PTPRD: variants seen among roughly 807,000 people sequenced by gnomAD.
PTPRD encodes the protein receptor-type tyrosine-protein phosphatase delta.
A neutral mutation model predicts 214.5 loss-of-function variants in PTPRD; 34 were observed. The observed-to-expected ratio is 0.16, with a 90% CI of 0.12 to 0.21. The LOEUF is 0.21. Ranked by LOEUF, PTPRD falls within the 10% of genes least tolerant of loss-of-function variation. PTPRD has a pLI of 1.00. For missense variants in PTPRD, 2,545 were observed against 2,398.7 expected (o/e 1.06, Z -1.27); for synonymous variants, 1,128 against 845.7 (o/e 1.33, Z -5.79).
intron 3 of PTPRD, among the ~76,000 whole-genome samples, chr9:10,049,043 G>A (rs564951207): frequency 1.3e-5 from 2 of 152,102 alleles, no homozygotes; most frequent in East Asian, 1.9e-4. Context: ...GATGAGGTTT[G>A]AGAAAAAAGA....
chr9:8,599,681 C>T (rs4578003), intron 14 of PTPRD, among the ~76,000 whole-genome samples: 13,551 of 135,614 alleles, frequency 0.1, 769 homozygotes, highest in East Asian at 0.29. Flanking sequence ...TGGAGTGCAA[C>T]GGCGCGATCA....
At chr9:9,353,659 G>A (rs1005214184) in intron 9 of PTPRD, among the ~76,000 whole-genome samples, 2 of 151,194 alleles carry the variant, frequency 1.3e-5, no homozygotes, top group African/African-American at 4.9e-5. Flanking sequence ...AAGTTTTCTA[G>A]GTTGAGTTAA....
intron 9 of PTPRD, among the ~76,000 whole-genome samples, chr9:9,349,250 A>C (rs1023060682): frequency 1.8e-4 from 28 of 152,102 alleles, no homozygotes; most frequent in African/African-American, 6.5e-4. Flanking sequence ...AATGGCAAGA[A>C]ACTTTTTAGC....
At chr9:8,939,003 T>C (rs2099014907) in intron 11 of PTPRD, among the ~76,000 whole-genome samples, 1 of 152,178 alleles carries the variant, frequency 6.6e-6, no homozygotes, top group Non-Finnish European at 1.5e-5. Flanking sequence ...ATTACTGAAG[T>C]ATGTTAATGT....
chr9:9,419,805 T>C (rs2078127584), intron 8 of PTPRD, among the ~76,000 whole-genome samples: 1 of 151,768 alleles, frequency 6.6e-6, no homozygotes, highest in East Asian at 1.9e-4. Context: ...AATGTAATTA[T>C]TAGACTTTTG....
At chr9:8,521,618 G>T in intron 19 of PTPRD, 72 bp from the exon 20 acceptor site, 3 of 1,501,354 alleles carry the variant, frequency 2.0e-6, no homozygotes, top group Admixed American at 3.6e-5. Flanking sequence ...CACATGACAT[G>T]CACCGTACAG....
In PTPRD at chr9:8,859,492, A is replaced by T. The variant is rs117384092; in HGVS notation, c.-103-125546T>A. Among the ~76,000 whole-genome samples the T allele has an allele frequency of 9.4e-3, 1,435 of 152,336 alleles. 48 individuals are homozygous for T. Among genetic ancestry groups the T allele is most frequent in the East Asian group, 0.09 (465 of 5,178 alleles). ...TGGTCAGAAAGGTTAAATAAAGTAA[A>T]GCTAGAGCTCACCAGCCACCTCCAT... On this transcript the variant is annotated intron_variant, in intron 11 of 45. Coordinates refer to ENST00000381196, the MANE Select transcript of PTPRD (RefSeq NM_002839.4).
chr9:9,785,937 A>G (rs1191463290), intron 5 of PTPRD, among the ~76,000 whole-genome samples: 3 of 152,170 alleles, frequency 2.0e-5, no homozygotes, highest in Non-Finnish European at 4.4e-5. Flanking sequence ...TGAAGGCAAC[A>G]TGCTCCAACA....
At chr9:8,529,862 A>T (rs2075233446) in intron 14 of PTPRD, among the ~76,000 whole-genome samples, 1 of 152,190 alleles carries the variant, frequency 6.6e-6, no homozygotes, top group African/African-American at 2.4e-5. Flanking sequence ...ACATATGTAC[A>T]CATGTGCCAT....
intron 7 of PTPRD, among the ~76,000 whole-genome samples, chr9:9,712,384 A>T (rs2097754057): frequency 6.6e-6 from 1 of 151,500 alleles, no homozygotes; most frequent in African/African-American, 2.4e-5. Context: ...ATAAACTTTG[A>T]TTGTAATTTA....
intron 9 of PTPRD, among the ~76,000 whole-genome samples, chr9:9,288,800 T>C (rs1169432871): frequency 6.6e-6 from 1 of 151,874 alleles, no homozygotes; most frequent in East Asian, 2.0e-4. Flanking sequence ...AATTTAATCA[T>C]GGGGGCAGTT....
Position 8,733,862 on chromosome 9 carries a change from CG to C in PTPRD, c.-20del, listed in dbSNP as rs1555233249. 9.0e-6 allele frequency: 14 copies of C among 1,549,628 alleles called. No individual in the cohort carries two copies. Among genetic ancestry groups the C allele is most frequent in the Non-Finnish European group, 1.1e-5 (13 of 1,146,832 alleles). ...GCACCATCCTGCAGCTTGGCAGCAGCGTGCGCGAGCAGCTTGGAATCACTGC... is the reference window on the plus strand; with the variant it reads ...GCACCATCCTGCAGCTTGGCAGCAGCTGCGCGAGCAGCTTGGAATCACTGC... On this transcript the variant is annotated 5_prime_UTR_variant, in exon 12 of 46. Coordinates refer to ENST00000381196, the MANE Select transcript of PTPRD (RefSeq NM_002839.4).
chr9:8,911,240 A>C (rs980293590), intron 11 of PTPRD, among the ~76,000 whole-genome samples: 3 of 152,244 alleles, frequency 2.0e-5, no homozygotes, highest in African/African-American at 7.2e-5. Flanking sequence ...TGTCCTGAGA[A>C]GAGACATATA....
chr9:10,072,235 G>A (rs539322400), intron 3 of PTPRD, among the ~76,000 whole-genome samples: 3 of 152,002 alleles, frequency 2.0e-5, no homozygotes, highest in African/African-American at 4.8e-5. Flanking sequence ...TCAATATTTC[G>A]CATCAGAGGA....
chr9:10,287,852 G>A (rs561544577), intron 3 of PTPRD, among the ~76,000 whole-genome samples: 1 of 151,940 alleles, frequency 6.6e-6, no homozygotes, highest in Non-Finnish European at 1.5e-5. Flanking sequence ...CGATTCTTCA[G>A]CCAAAATGAC....
At chr9:9,959,910 T>C (rs919030818) in intron 4 of PTPRD, among the ~76,000 whole-genome samples, 9 of 152,176 alleles carry the variant, frequency 5.9e-5, no homozygotes, top group Admixed American at 1.3e-4. Flanking sequence ...TGTTTACATA[T>C]AGAGATATTT....
At chr9:8,483,630 T>C (rs566106235) in intron 30 of PTPRD, among the ~76,000 whole-genome samples, 2 of 152,116 alleles carry the variant, frequency 1.3e-5, no homozygotes, top group Non-Finnish European at 2.9e-5. Flanking sequence ...CAGGTGCCTG[T>C]AATCCCAGCT....
chr9:9,915,588 T>A (rs1566268022), intron 5 of PTPRD, among the ~76,000 whole-genome samples: 2 of 149,776 alleles, frequency 1.3e-5, no homozygotes, highest in Admixed American at 1.3e-4. Flanking sequence ...TCAATTAATT[T>A]AAAAAAATAC....
At chr9:9,672,298 G>A (rs927736547) in intron 7 of PTPRD, among the ~76,000 whole-genome samples, 12 of 151,904 alleles carry the variant, frequency 7.9e-5, no homozygotes, top group Non-Finnish European at 1.5e-4. Context: ...TTGATGTATG[G>A]TTTATGATGG....
Sources: allele counts gnomAD v4.1 joint callset (sites outside exome capture counted in the v4.1 genomes callset), GRCh38; gene constraint gnomAD v4.1.1; transcripts MANE v1.5; gene names NCBI Gene and HGNC (gene_info 2026-07-23, HGNC 2026-07-21).